PDE4B: variants seen among roughly 807,000 people sequenced by gnomAD.
The protein encoded by PDE4B is phosphodiesterase 4B.
Under a neutral mutation model 82.2 loss-of-function variants are expected in PDE4B, and 20 were observed. The ratio of observed to expected loss-of-function variants is 0.24; its 90% CI spans 0.17 to 0.35. The LOEUF is 0.35. Ranked by LOEUF, PDE4B falls within the 10% of genes least tolerant of loss-of-function variation. The pLI is 1.00. For missense variants in PDE4B, 655 were observed against 907.2 expected, an observed-to-expected ratio of 0.72 and a Z score of 3.57; for synonymous variants, 320 against 318.9, an observed-to-expected ratio of 1.00 and a Z score of -0.04.
intron 1 of PDE4B, among the ~76,000 whole-genome samples, chr1:65,876,262 A>T (rs1407248953): frequency 6.6e-6 from 1 of 152,142 alleles, no homozygotes. Flanking sequence ...ATTTCTGTGT[A>T]TAATTTAATG....
intron 1 of PDE4B, among the ~76,000 whole-genome samples, chr1:65,839,241 T>C (rs1302786176): frequency 6.6e-6 from 1 of 151,984 alleles, no homozygotes; most frequent in African/African-American, 2.4e-5. Flanking sequence ...TATACTTTCA[T>C]TCAATACCAA....
chr1:65,956,592 G>A (rs1649271935), intron 3 of PDE4B, among the ~76,000 whole-genome samples: 1 of 152,132 alleles, frequency 6.6e-6, no homozygotes, highest in Non-Finnish European at 1.5e-5. Flanking sequence ...TGCTTCTCCA[G>A]TGACTTTGCA....
intron 3 of PDE4B, among the ~76,000 whole-genome samples, chr1:66,226,875 G>A (rs937337809): frequency 3.3e-5 from 5 of 152,164 alleles, no homozygotes; most frequent in Admixed American, 6.5e-5. Flanking sequence ...ATCAATGACT[G>A]TTGAAAAAAA....
intron 3 of PDE4B, among the ~76,000 whole-genome samples, chr1:66,028,942 A>G (rs779654231): frequency 6.6e-6 from 1 of 152,126 alleles, no homozygotes; most frequent in African/African-American, 2.4e-5. Context: ...AGCCTTTCAA[A>G]CTGTTCCAAC....
chr1:66,368,373 A>C (rs1442971690), intron 15 of PDE4B, among the ~76,000 whole-genome samples: 3 of 152,210 alleles, frequency 2.0e-5, no homozygotes, highest in Non-Finnish European at 2.9e-5. Context: ...AATCCCATTG[A>C]CTTGAAGTTT....
At position 65,878,280 on chromosome 1, in the gene PDE4B, G is replaced by T. The variant is rs1387214186; in HGVS notation, c.-70-34965G>T. Reference sequence around the variant, plus strand: ...AAATAGGAACACTTTTACATTGTTGGAGGGAGTGTAAATTAGTTCAACCAT... The same window carrying T: ...AAATAGGAACACTTTTACATTGTTGTAGGGAGTGTAAATTAGTTCAACCAT... On this transcript the variant is annotated intron_variant, in intron 1 of 16. Transcript: ENST00000341517. Among the ~76,000 whole-genome samples the T allele has an allele frequency of 7.9e-5, 12 of 152,218 alleles. 1 individual carries two copies. The highest frequency in any genetic ancestry group is 2.9e-4 in the African/African-American group (12 of 41,452).
intron 3 of PDE4B, among the ~76,000 whole-genome samples, chr1:66,138,842 C>G (rs1646112768): frequency 6.6e-6 from 1 of 152,158 alleles, no homozygotes. Context: ...GCCAGCAAAC[C>G]TAAGCTATAA....
chr1:66,197,833 T>TGA (rs1007838658), intron 3 of PDE4B, among the ~76,000 whole-genome samples: 1 of 152,124 alleles, frequency 6.6e-6, no homozygotes. Context: ...GCATTTAATT[T>TGA]GAGAGAGAGA....
rs114177414 is a variant in PDE4B, at chr1:65,853,854, G to A, written c.-70-59391G>A. ...ATTTACTTTTAAGAAGTTGTTCTAG[G>A]GAGCTTTGCTCAATCTGAGTTTGAA... On this transcript the variant is annotated intron_variant, in intron 1 of 16. Transcript: ENST00000341517. Among the ~76,000 whole-genome samples, 1,440 of 152,110 alleles carry A rather than the reference G, an allele frequency of 9.5e-3. 28 individuals are homozygous for A. Among genetic ancestry groups the A allele is most frequent in the African/African-American group, 0.033 (1,369 of 41,490 alleles).
At chr1:66,259,352 G>A (rs1654504292) in intron 6 of PDE4B, among the ~76,000 whole-genome samples, 1 of 152,126 alleles carries the variant, frequency 6.6e-6, no homozygotes, top group Non-Finnish European at 1.5e-5. Flanking sequence ...GTAGGATGCA[G>A]TGTAAACAAT....
chr1:66,363,695 T>A, intron 12 of PDE4B, 124 bp downstream of exon 12: 1 of 720,418 alleles, frequency 1.4e-6, no homozygotes, highest in Non-Finnish European at 2.2e-6. Context: ...GAGGATTGCT[T>A]GAGCCCAGGG....
chr1:65,892,583 C>T (rs888652496), intron 1 of PDE4B, among the ~76,000 whole-genome samples: 4 of 152,052 alleles, frequency 2.6e-5, no homozygotes, highest in African/African-American at 9.7e-5. Context: ...GTGTCTGCAT[C>T]TGTACCCACC....
chr1:66,057,185 AG>A, intron 3 of PDE4B, among the ~76,000 whole-genome samples: 1 of 152,308 alleles, frequency 6.6e-6, no homozygotes, highest in East Asian at 1.9e-4. Flanking sequence ...CTTATTTCAA[AG>A]GATATTTACT....
intron 1 of PDE4B, among the ~76,000 whole-genome samples, chr1:65,821,834 G>T (rs1645956321): frequency 6.6e-6 from 1 of 152,114 alleles, no homozygotes; most frequent in African/African-American, 2.4e-5. Context: ...GATATGCTGG[G>T]ATATGAATGT....
At chr1:65,875,816 G>T (rs911133777) in intron 1 of PDE4B, among the ~76,000 whole-genome samples, 3 of 116,846 alleles carry the variant, frequency 2.6e-5, no homozygotes, top group Non-Finnish European at 3.5e-5. Flanking sequence ...TGGGGGGAGG[G>T]GGGAGGGATA....
chr1:66,229,763 G>A (rs1044325006), intron 3 of PDE4B, among the ~76,000 whole-genome samples: 2 of 151,798 alleles, frequency 1.3e-5, no homozygotes, highest in African/African-American at 4.8e-5. Flanking sequence ...AAAAAACCCT[G>A]CAGAGCTGAA....
chr1:65,897,256 C>T (rs1001177785), intron 1 of PDE4B, among the ~76,000 whole-genome samples: 3 of 152,082 alleles, frequency 2.0e-5, no homozygotes, highest in Non-Finnish European at 4.4e-5. Context: ...AGAGACCTTA[C>T]CTGTACACAG....
At chr1:65,928,219 C>T (rs567285741) in intron 3 of PDE4B, among the ~76,000 whole-genome samples, 555 of 152,294 alleles carry the variant, frequency 3.6e-3, no homozygotes, top group Middle Eastern at 6.8e-3. Flanking sequence ...TCAAGGAGTT[C>T]TGGGTCTGTA....
At chr1:66,299,243 T>A (rs1260576833) in intron 7 of PDE4B, among the ~76,000 whole-genome samples, 2 of 152,290 alleles carry the variant, frequency 1.3e-5, no homozygotes, top group African/African-American at 4.8e-5. Flanking sequence ...CTAATCTTCC[T>A]AGCTTCTAAT....
Sources: gnomAD v4.1 joint callset for allele counts (sites outside exome capture counted in the v4.1 genomes callset) on GRCh38, gnomAD v4.1.1 for gene constraint, MANE v1.5 for transcripts, NCBI Gene and HGNC (gene_info 2026-07-23, HGNC 2026-07-21) for gene names.